NDUFA10: variants seen among roughly 807,000 people sequenced by gnomAD.
NDUFA10 encodes the protein NADH:ubiquinone oxidoreductase subunit A10.
A neutral mutation model predicts 47.8 loss-of-function variants in NDUFA10; 40 were observed. That is an observed-to-expected ratio of 0.84 (90% CI 0.65 to 1.09). The LOEUF (loss-of-function observed/expected upper bound fraction) is 1.09, where lower values mean the gene tolerates loss of function less well. Ranked by LOEUF, NDUFA10 falls within the 50% of genes least tolerant of loss-of-function variation. The pLI, the probability that NDUFA10 is intolerant of heterozygous loss-of-function variation, is 0.00. For synonymous variants in NDUFA10, 183 were observed against 172.2 expected (o/e 1.06, Z -0.49); for missense variants, 413 against 451.1 (o/e 0.92, Z 0.76).
At chr2:239,899,337 T>G (rs1574762726) in intron 4 of NDUFA10, among the ~76,000 whole-genome samples, 2 of 23,368 alleles carry the variant, frequency 8.6e-5, no homozygotes, top group African/African-American at 3.4e-4. Flanking sequence ...CATGGAGGGG[T>G]GTAAAGGAGG....
rs1457360950 is a variant in NDUFA10 at position 239,914,677 on chromosome 2, CAG to C, written c.295-19365_295-19364del. On this transcript the variant is annotated intron_variant, in intron 4 of 5. Coordinates refer to the NDUFA10 transcript ENST00000419408. Reference sequence around the variant, plus strand: ...ACAGACACACACAAATATACAGACACAGAGATACACACACACACAGAGAACAC... The same window carrying C: ...ACAGACACACACAAATATACAGACACAGATACACACACACACAGAGAACAC... Among the ~76,000 whole-genome samples, 2 of 39,458 alleles carry C rather than the reference CAG, an allele frequency of 5.1e-5. 1 individual carries two copies. The highest frequency in any genetic ancestry group is 9.1e-5 in the Non-Finnish European group (2 of 21,918). The allele number at this position is 39,458 out of a possible 152,430, so 25.9% of individuals were successfully genotyped here.
intron 9 of NDUFA10, among the ~76,000 whole-genome samples, chr2:239,967,862 A>C (rs191861394): frequency 6.6e-6 from 1 of 152,336 alleles, no homozygotes; most frequent in East Asian, 1.9e-4. Context: ...CATGAGGGCC[A>C]AGGCCGCACA....
At chr2:239,897,266 T>A (rs903819952) in intron 4 of NDUFA10, among the ~76,000 whole-genome samples, 2 of 152,244 alleles carry the variant, frequency 1.3e-5, no homozygotes, top group African/African-American at 4.8e-5. Context: ...AGTAGCTAAT[T>A]ATTCAAGTTT....
At chr2:240,003,901 C>T (rs1381266629) in intron 8 of NDUFA10, among the ~76,000 whole-genome samples, 1 of 152,180 alleles carries the variant, frequency 6.6e-6, no homozygotes, top group African/African-American at 2.4e-5. Flanking sequence ...CACAGAGACA[C>T]TGCAAGAGGC....
chr2:240,003,113 G>A (rs1482837551), intron 8 of NDUFA10, among the ~76,000 whole-genome samples: 3 of 152,164 alleles, frequency 2.0e-5, no homozygotes, highest in Middle Eastern at 3.2e-3. Flanking sequence ...GCTTCCCAAC[G>A]TGCTGGGTTT....
At chr2:239,921,292 G>A (rs1040777949) in intron 4 of NDUFA10, among the ~76,000 whole-genome samples, 3 of 130,624 alleles carry the variant, frequency 2.3e-5, no homozygotes, top group African/African-American at 7.6e-5. Context: ...ACGGACCTTT[G>A]CCATGAGTGT....
At chr2:239,948,195 T>A (rs962007127) in intron 4 of NDUFA10, among the ~76,000 whole-genome samples, 18 of 152,246 alleles carry the variant, frequency 1.2e-4, no homozygotes, top group African/African-American at 3.9e-4. Flanking sequence ...TAGAACCTCC[T>A]GGGCCCTGCC....
intron 8 of NDUFA10, among the ~76,000 whole-genome samples, chr2:240,000,155 A>G (rs144947705): frequency 8.5e-5 from 13 of 152,342 alleles, no homozygotes; most frequent in African/African-American, 2.9e-4. Context: ...TAGACATTTC[A>G]TCGTGATTTT....
intron 3 of NDUFA10, chr2:240,020,983 A>T (rs184463230): frequency 4.9e-6 from 3 of 611,576 alleles, no homozygotes; most frequent in Admixed American, 2.8e-5. Context: ...ACAATCCATA[A>T]ATCTCACTCC....
At chr2:240,003,615 C>T (rs1030357739) in intron 8 of NDUFA10, among the ~76,000 whole-genome samples, 2 of 152,148 alleles carry the variant, frequency 1.3e-5, no homozygotes, top group South Asian at 4.1e-4. Flanking sequence ...TATAAATAAT[C>T]AGAATTATGA....
intron 4 of NDUFA10, among the ~76,000 whole-genome samples, chr2:239,919,955 G>C (rs140317227): frequency 6.6e-6 from 1 of 152,218 alleles, no homozygotes; most frequent in Admixed American, 6.5e-5. Flanking sequence ...GGATAGCCAC[G>C]GTCCAAGGCC....
intron 4 of NDUFA10, chr2:240,017,988 C>T: frequency 8.7e-7 from 1 of 1,152,684 alleles, no homozygotes; most frequent in African/African-American, 1.5e-5. Flanking sequence ...CACAGACACC[C>T]CAACCCCACC....
At chr2:240,021,900 C>G (rs1276155456) in intron 2 of NDUFA10, among the ~76,000 whole-genome samples, 1 of 152,168 alleles carries the variant, frequency 6.6e-6, no homozygotes, top group African/African-American at 2.4e-5. Context: ...TGTGGAAGTG[C>G]CCTGCTTACA....
At chr2:240,012,784 TG>T (rs886789397) in intron 5 of NDUFA10, 1 of 152,204 alleles carries the variant, frequency 6.6e-6, no homozygotes, top group Non-Finnish European at 1.5e-5. Flanking sequence ...TGCACTTCAT[TG>T]CTCTGTCAAA....
intron 9 of NDUFA10, among the ~76,000 whole-genome samples, chr2:239,963,470 G>T (rs1694937603): frequency 1.3e-5 from 2 of 152,236 alleles, no homozygotes; most frequent in Admixed American, 6.5e-5. Context: ...GTTGTGACCT[G>T]TGTCAGACGG....
chr2:239,912,818 T>C (rs1175866647), intron 4 of NDUFA10, among the ~76,000 whole-genome samples: 1 of 152,130 alleles, frequency 6.6e-6, no homozygotes, highest in Non-Finnish European at 1.5e-5. Context: ...TCAATGTCCA[T>C]CCATAGATCT....
intron 9 of NDUFA10, among the ~76,000 whole-genome samples, chr2:239,966,548 C>T (rs867580162): frequency 6.6e-6 from 1 of 152,164 alleles, no homozygotes; most frequent in African/African-American, 2.4e-5. Flanking sequence ...ACAGGAAAGA[C>T]TGGAGAAGAG....
In NDUFA10 at chr2:239,985,827, C is replaced by T. The variant is rs188285886; in HGVS notation, c.999+4247G>A. On this transcript the variant is annotated intron_variant, in intron 9 of 9. Transcript: ENST00000252711. The stretch of plus-strand genomic sequence containing the variant: ...TCGGGAGGCTGAGGCAGCAGAATCG[C>T]TTGAACCTGGGAGGCAGAGGTTGCA... 2.8e-3 allele frequency among the ~76,000 whole-genome samples: 423 copies of T among 150,624 alleles called. 1 individual carries two copies. Among genetic ancestry groups the T allele is most frequent in the Non-Finnish European group, 4.6e-3 (310 of 67,848 alleles).
At chr2:239,954,301 C>A (rs535691823), downstream of NDUFA10, among the ~76,000 whole-genome samples, 76 of 151,878 alleles carry the variant, frequency 5.0e-4, no homozygotes, top group South Asian at 1.9e-3. Flanking sequence ...CCTGCCAGGC[C>A]AGCTGAGTGA....
Sources: gnomAD v4.1 joint callset for allele counts (sites outside exome capture counted in the v4.1 genomes callset) on GRCh38, gnomAD v4.1.1 for gene constraint, MANE v1.5 for transcripts, NCBI Gene and HGNC (gene_info 2026-07-23, HGNC 2026-07-21) for gene names.